The following PLXDC1 variants were observed in gnomAD, a reference collection of about 807,000 sequenced individuals.
The protein encoded by PLXDC1 is plexin domain-containing protein 1.
PLXDC1 carries 39 observed loss-of-function variants against 61.3 expected under a neutral mutation model. The observed-to-expected ratio is 0.64, with a 90% CI of 0.49 to 0.83. The LOEUF (loss-of-function observed/expected upper bound fraction) is 0.83. Among genes scored for constraint, PLXDC1 ranks in the 40% least tolerant of loss-of-function variants. PLXDC1 has a pLI of 0.00. For synonymous variants in PLXDC1, 212 were observed against 254.5 expected (o/e 0.83, Z 1.59); for missense variants, 596 against 666.5 (o/e 0.89, Z 1.17).
Position 39,083,519 on chromosome 17 carries a change from C to T in PLXDC1, c.929G>A (p.Cys310Tyr), listed in dbSNP as rs1186101987. ...PLPTCLQHRS[C>Y]DACMSSDLTF... Reference sequence around the variant, plus strand: ...CAGGTCTGAGGACATGCAGGCGTCACAGCTCCTATGCTGCAGGCAGGCTGC... The same window carrying T: ...CAGGTCTGAGGACATGCAGGCGTCATAGCTCCTATGCTGCAGGCAGGCTGC... Residue 310 changes from cysteine (C) to tyrosine (Y), a missense_variant, in exon 9 of 14, where the codon TGT (cysteine) becomes TAT (tyrosine). By Grantham distance (194) the Cys-to-Tyr change is radical. Coordinates refer to ENST00000315392, the MANE Select transcript of PLXDC1 (RefSeq NM_020405.5). 7.4e-6 allele frequency: 12 copies of T among 1,613,236 alleles called. No homozygotes were observed. The Admixed American group carries it at 1.5e-4, about 20-fold the overall frequency.
At chr17:39,092,932 A>T (rs1047487599) in intron 7 of PLXDC1, among the ~76,000 whole-genome samples, 3 of 152,332 alleles carry the variant, frequency 2.0e-5, no homozygotes, top group Admixed American at 1.3e-4. Context: ...GTTACTGAAC[A>T]TGGAGTTAGG....
At chr17:39,140,446 C>G (rs1281861434) in intron 1 of PLXDC1, among the ~76,000 whole-genome samples, 1 of 152,240 alleles carries the variant, frequency 6.6e-6, no homozygotes, top group South Asian at 2.1e-4. Context: ...GCTGGGACTA[C>G]AGGCGCCCGC....
intron 2 of PLXDC1, among the ~76,000 whole-genome samples, chr17:39,134,126 C>T (rs148463586): frequency 0.027 from 4,036 of 151,798 alleles, 192 homozygotes; most frequent in African/African-American, 0.093. Flanking sequence ...TGGTGGCAGG[C>T]GCCTGTAGTC....
intron 11 of PLXDC1, among the ~76,000 whole-genome samples, chr17:39,076,741 G>C (rs773287362): frequency 6.6e-6 from 1 of 151,942 alleles, no homozygotes; most frequent in Non-Finnish European, 1.5e-5. Flanking sequence ...TTTGTGTTGT[G>C]TTGTGTTGTT....
rs750109112 is a variant in PLXDC1, at chr17:39,108,153, C to T, written c.562G>A (p.Asp188Asn). The part of the protein sequence containing the change: ...LMANFNPGYS[D>N]NSTVVYFDNG... Reference sequence around the variant, plus strand: ...TCAAAGTAAACAACTGTGGAGTTGTCGGAGTAGCCAGGGTTGAAGTTGGCC... The same window carrying T: ...TCAAAGTAAACAACTGTGGAGTTGTTGGAGTAGCCAGGGTTGAAGTTGGCC... The change falls in exon 5 of 14, where the codon GAC becomes AAC. Residue 188 changes from aspartate (D) to asparagine (N), a missense_variant. Physicochemically the swap from Asp to Asn is conservative, Grantham distance 23. Coordinates refer to ENST00000315392, the MANE Select transcript of PLXDC1 (RefSeq NM_020405.5). 7 of 1,614,152 alleles carry T rather than the reference C, an allele frequency of 4.3e-6. No homozygotes were observed. Among genetic ancestry groups the T allele is most frequent in the African/African-American group, 2.7e-5 (2 of 75,036 alleles).
Position 39,101,514 on chromosome 17 carries a change from C to T in PLXDC1, c.811+4340G>A, listed in dbSNP as rs1297271435. 2.6e-5 allele frequency among the ~76,000 whole-genome samples: 4 copies of T among 152,146 alleles called. No individual in the cohort carries two copies. The East Asian group carries it at 5.8e-4, about 22-fold the overall frequency. The stretch of plus-strand genomic sequence containing the variant: ...GAAGAAGGGAAGGGAGGGTGAGGTG[C>T]GAGCCCCACACTTCTGTGGCAGGCT... On this transcript the variant is annotated intron_variant, in intron 7 of 13. Transcript: ENST00000315392.
At position 39,063,593 on chromosome 17, in the gene PLXDC1, T is replaced by C. The variant is rs1318875589; in HGVS notation, c.*4247A>G. 1 of 676,632 alleles carries C rather than the reference T, an allele frequency of 1.5e-6. No homozygotes were observed. The highest frequency in any genetic ancestry group is 2.7e-6 in the Non-Finnish European group (1 of 374,860). 41.9% of individuals were successfully genotyped at this position (676,632 alleles called of 1,614,324 possible). A position where few individuals can be genotyped will look rare whatever the true frequency, so the allele number is the denominator to read the frequency against. ...ATGCCACTCCAAATCCTTTGCACTT[T>C]CTTTTGCACACAGCAGGAGTTGTAA... On this transcript the variant is annotated 3_prime_UTR_variant, in exon 14 of 14. Transcript: ENST00000315392.
At chr17:39,131,962 C>T (rs1911579126) in intron 2 of PLXDC1, 1 of 152,670 alleles carries the variant, frequency 6.6e-6, no homozygotes, top group South Asian at 2.1e-4. Context: ...ATGATGGGGT[C>T]CCTGCCCTGA....
At chr17:39,088,595 C>T (rs531850566) in intron 7 of PLXDC1, among the ~76,000 whole-genome samples, 7 of 152,226 alleles carry the variant, frequency 4.6e-5, no homozygotes, top group South Asian at 2.1e-4. Flanking sequence ...CTCTAGGCCA[C>T]GATACCCACC....
Position 39,088,965 on chromosome 17 carries a change from G to GAC in PLXDC1, c.812-1264_812-1263insGT, listed in dbSNP as rs1567757393. On this transcript the variant is annotated intron_variant, in intron 7 of 13. Transcript: ENST00000315392. ...ACTGAAAAAAAAAAAAAAAAAAAAA[G>GAC]AGAGAGAGAGAAAAAGAAAGAAAGA... is the stretch of plus-strand genomic sequence containing the variant. Among the ~76,000 whole-genome samples, 567 of 85,718 alleles carry GAC rather than the reference G, an allele frequency of 6.6e-3. 1 individual carries two copies. The highest frequency in any genetic ancestry group is 0.02 in the African/African-American group (539 of 27,268). 56.2% of individuals were successfully genotyped at this position (85,718 alleles called of 152,430 possible).
chr17:39,100,739 T>C (rs998723371), intron 7 of PLXDC1, among the ~76,000 whole-genome samples: 3 of 152,208 alleles, frequency 2.0e-5, no homozygotes, highest in Non-Finnish European at 4.4e-5. Context: ...ACGGAGATGA[T>C]TTAACAACTG....
chr17:39,152,898 C>T (rs1597665316), upstream of PLXDC1: 1 of 382,490 alleles, frequency 2.6e-6, no homozygotes, highest in East Asian at 3.8e-5. Context: ...CTACCTCCTC[C>T]AGCCCTAAAC....
intron 9 of PLXDC1, chr17:39,079,410 G>C: frequency 1.8e-6 from 1 of 566,460 alleles, no homozygotes; most frequent in Non-Finnish European, 3.4e-6. Context: ...AGGTGTAGGG[G>C]CTAGCAGGAC....
chr17:39,121,833 G>A (rs911085729), intron 2 of PLXDC1, among the ~76,000 whole-genome samples: 2 of 152,126 alleles, frequency 1.3e-5, no homozygotes, highest in African/African-American at 2.4e-5. Context: ...ATGGGTGACC[G>A]GGTCCGGAGG....
chr17:39,076,076 T>TA (rs1909317453), intron 11 of PLXDC1, among the ~76,000 whole-genome samples: 1 of 86,716 alleles, frequency 1.2e-5, no homozygotes, highest in Non-Finnish European at 2.3e-5. Context: ...GGACTAAGTC[T>TA]GAAAAAAAAA....
intron 7 of PLXDC1, among the ~76,000 whole-genome samples, chr17:39,094,203 G>C (rs1451781733): frequency 6.6e-6 from 1 of 152,054 alleles, no homozygotes; most frequent in African/African-American, 2.4e-5. Context: ...CTGGGGGCCT[G>C]GGAATATCTA....
Position 39,087,690 on chromosome 17 carries a change from C to T in PLXDC1, c.824G>A (p.Arg275Lys), listed in dbSNP as rs201383661. The change falls in exon 8 of 14, where the codon AGG becomes AAG. Residue 275 changes from arginine to lysine, a missense_variant. Physicochemically the swap from Arg to Lys is conservative, Grantham distance 26. Coordinates refer to ENST00000315392, the MANE Select transcript of PLXDC1 (RefSeq NM_020405.5). The stretch of plus-strand genomic sequence containing the variant: ...TATGCGGTGATATTCAAAGATGCTC[C>T]TTCGCCGAGATTCTGAAACAGAGGC... Reference protein sequence around the residue: ...PSPDVPESRRRSIFEYHRIEL... With the variant: ...PSPDVPESRRKSIFEYHRIEL... 6.6e-5 allele frequency: 107 copies of T among 1,613,412 alleles called. No individual in the cohort carries two copies. The highest frequency in any genetic ancestry group is 6.7e-5 in the Non-Finnish European group (79 of 1,179,652).
intron 2 of PLXDC1, among the ~76,000 whole-genome samples, chr17:39,132,586 G>A (rs772853380): frequency 1.3e-5 from 2 of 152,198 alleles, no homozygotes; most frequent in African/African-American, 4.8e-5. Flanking sequence ...CAGGCTAGAC[G>A]CCTCGAGGCC....
chr17:39,097,203 T>G (rs1910241628), intron 7 of PLXDC1, among the ~76,000 whole-genome samples: 1 of 152,124 alleles, frequency 6.6e-6, no homozygotes, highest in Non-Finnish European at 1.5e-5. Context: ...CAAACTCCCC[T>G]CCTCACACTG....
Sources: allele counts gnomAD v4.1 joint callset (sites outside exome capture counted in the v4.1 genomes callset), GRCh38; gene constraint gnomAD v4.1.1; transcripts MANE v1.5; gene names NCBI Gene and HGNC (gene_info 2026-07-23, HGNC 2026-07-21).